The following ANKHD1 variants were observed in gnomAD, a reference collection of about 807,000 sequenced individuals.
The protein encoded by ANKHD1 is ankyrin repeat and KH domain containing 1.
In ANKHD1, 31 loss-of-function variants were observed where a neutral mutation model predicts 230.5. The ratio of observed to expected loss-of-function variants is 0.13; its 90% CI spans 0.10 to 0.18. The LOEUF is 0.18. Among genes scored for constraint, ANKHD1 ranks in the 10% least tolerant of loss-of-function variants. The pLI is 1.00. For synonymous variants in ANKHD1, 1,074 were observed against 1,117.6 expected, an observed-to-expected ratio of 0.96 and a Z score of 0.78; for missense variants, 2,256 against 3,071.3, an observed-to-expected ratio of 0.73 and a Z score of 6.27.
At chr5:140,426,905 C>A (rs1772470376) in intron 1 of ANKHD1, among the ~76,000 whole-genome samples, 1 of 152,180 alleles carries the variant, frequency 6.6e-6, no homozygotes, top group Non-Finnish European at 1.5e-5. Flanking sequence ...AAAAGTCTCC[C>A]ATGTCTACCT....
intron 10 of ANKHD1, among the ~76,000 whole-genome samples, chr5:140,466,247 T>G (rs1776075370): frequency 6.6e-6 from 1 of 152,046 alleles, no homozygotes; most frequent in South Asian, 2.1e-4. Flanking sequence ...AAAAGTTAGC[T>G]GGGTGTGGTG....
intron 5 of ANKHD1, among the ~76,000 whole-genome samples, chr5:140,442,762 A>G (rs1773959997): frequency 6.6e-6 from 1 of 152,182 alleles, no homozygotes; most frequent in Non-Finnish European, 1.5e-5. Context: ...TTACTCTCCC[A>G]TAAACTCTGT....
At chr5:140,499,286 G>C (rs530425777) in intron 15 of ANKHD1, among the ~76,000 whole-genome samples, 27 of 152,040 alleles carry the variant, frequency 1.8e-4, no homozygotes, top group African/African-American at 6.5e-4. Flanking sequence ...AATAAATAAG[G>C]CAAGGGTGAA....
chr5:140,414,058 GGTGTGAGC>G (rs1390595500), intron 1 of ANKHD1, among the ~76,000 whole-genome samples: 2 of 152,152 alleles, frequency 1.3e-5, no homozygotes, highest in African/African-American at 4.8e-5. Context: ...TGGGATTACA[GGTGTGAGC>G]CACTGTGCCC....
At chr5:140,405,055 A>G (rs1229557257) in intron 1 of ANKHD1, among the ~76,000 whole-genome samples, 2 of 151,276 alleles carry the variant, frequency 1.3e-5, no homozygotes, top group Non-Finnish European at 2.9e-5. Context: ...ATGTAATTAA[A>G]GCTATGGGCA....
chr5:140,443,868 G>T (rs1326439247), intron 5 of ANKHD1, among the ~76,000 whole-genome samples: 2 of 152,088 alleles, frequency 1.3e-5, no homozygotes, highest in East Asian at 3.9e-4. Flanking sequence ...ACAGATAAAA[G>T]AGGAGTTGAT....
intron 1 of ANKHD1, among the ~76,000 whole-genome samples, chr5:140,413,788 G>GT (rs548899024): frequency 1.5e-4 from 23 of 150,148 alleles, no homozygotes; most frequent in African/African-American, 2.2e-4. Context: ...TGTTTGTTTT[G>GT]TTTTTTTTTG....
intron 22 of ANKHD1, among the ~76,000 whole-genome samples, chr5:140,512,168 G>A (rs1050590508): frequency 6.6e-5 from 10 of 151,732 alleles, no homozygotes; most frequent in African/African-American, 2.4e-4. Context: ...CCCGGGAGGC[G>A]GAGGTTGCAG....
At chr5:140,449,355 A>G (rs374077390) in intron 7 of ANKHD1, 50 bp downstream of exon 7, 21 of 1,584,648 alleles carry the variant, frequency 1.3e-5, no homozygotes, top group Admixed American at 3.5e-5. Flanking sequence ...AAAAGGTCGT[A>G]TGTGTTTAAG....
At chr5:140,417,012 C>G (rs1225503503) in intron 1 of ANKHD1, among the ~76,000 whole-genome samples, 1 of 152,062 alleles carries the variant, frequency 6.6e-6, no homozygotes, top group Non-Finnish European at 1.5e-5. Flanking sequence ...TTGATCTGGA[C>G]AAAATATTAA....
intron 14 of ANKHD1, among the ~76,000 whole-genome samples, chr5:140,491,101 TATATATAC>T (rs1751756962): frequency 8.0e-6 from 1 of 125,742 alleles, no homozygotes; most frequent in Non-Finnish European, 1.7e-5. Context: ...TGTATATATA[TATATATAC>T]ACACACACAC....
intron 5 of ANKHD1, among the ~76,000 whole-genome samples, chr5:140,442,938 C>T (rs1773972975): frequency 6.6e-6 from 1 of 151,354 alleles, no homozygotes; most frequent in Non-Finnish European, 1.5e-5. Context: ...TGGAGTCTCG[C>T]ACTGTTGCCC....
rs577088057 is a variant in ANKHD1, at chr5:140,447,245, C to A, written c.1147+1270C>A. ...AGAGACAGGGTTTTGCTCTATCACC[C>A]AGGACGGAGTGCAGTGGCACTGTCA... is the stretch of plus-strand genomic sequence containing the variant. On this transcript the variant is annotated intron_variant, in intron 6 of 33. Transcript: ENST00000360839. Among the ~76,000 whole-genome samples the A allele has an allele frequency of 1.9e-3, 292 of 151,796 alleles. 8 individuals carry two copies. The highest frequency in any genetic ancestry group is 2.4e-3 in the Admixed American group (37 of 15,238).
At chr5:140,479,830 A>G (rs539895133) in intron 10 of ANKHD1, among the ~76,000 whole-genome samples, 3 of 150,408 alleles carry the variant, frequency 2.0e-5, no homozygotes, top group Non-Finnish European at 4.4e-5. Context: ...TGTGTAATGT[A>G]TATATGTATG....
At chr5:140,519,695 T>C (rs1753227852) in intron 24 of ANKHD1, among the ~76,000 whole-genome samples, 2 of 152,288 alleles carry the variant, frequency 1.3e-5, no homozygotes, top group Admixed American at 1.3e-4. Flanking sequence ...CCCTATTTAA[T>C]ACATGGTGCT....
intron 1 of ANKHD1, among the ~76,000 whole-genome samples, chr5:140,421,296 C>CTTTT (rs35408466): frequency 1.1e-5 from 1 of 94,508 alleles, no homozygotes; most frequent in African/African-American, 3.7e-5. Context: ...AGAGTTTTTA[C>CTTTT]TTTTTTTTTT....
chr5:140,442,257 T>G (rs1453144674), intron 5 of ANKHD1, among the ~76,000 whole-genome samples: 1 of 151,938 alleles, frequency 6.6e-6, no homozygotes, highest in Non-Finnish European at 1.5e-5. Flanking sequence ...TTGGCCAGGC[T>G]GGTCTTGAAC....
In ANKHD1 at chr5:140,529,451, C is replaced by T. The variant is rs114408587; in HGVS notation, c.6505C>T (p.Pro2169Ser). Reference sequence around the variant, plus strand: ...TGTTACGAATCCAGTTACTTTAACACCACCTCAAGGCCCACCAGCTGCAGT... The same window carrying T: ...TGTTACGAATCCAGTTACTTTAACATCACCTCAAGGCCCACCAGCTGCAGT... ...IFVTNPVTLT[P>S]PQGPPAAVQL... Residue 2169 changes from proline to serine, a missense_variant, in exon 29 of 34, where the codon CCA becomes TCA. Physicochemically the swap from Pro to Ser is moderately conservative, Grantham distance 74 (BLOSUM62 -1). Transcript: ENST00000360839. 6.1e-4 allele frequency: 984 copies of T among 1,614,222 alleles called. 6 individuals are homozygous for T. The African/African-American group carries it at 0.011, about 18-fold the overall frequency.
chr5:140,431,020 CAGATTTGTTAGGTAAG>C (rs1773004209), intron 1 of ANKHD1, among the ~76,000 whole-genome samples: 3 of 152,064 alleles, frequency 2.0e-5, no homozygotes, highest in African/African-American at 7.2e-5. Flanking sequence ...TATGTTTCAG[CAGATTTGTTAGGTAAG>C]ATATTTGTGA....
Sources: gnomAD v4.1 joint callset for allele counts (sites outside exome capture counted in the v4.1 genomes callset) on GRCh38, gnomAD v4.1.1 for gene constraint, MANE v1.5 for transcripts, NCBI Gene and HGNC (gene_info 2026-07-23, HGNC 2026-07-21) for gene names.